AGAP1: variants seen among roughly 807,000 people sequenced by gnomAD.
AGAP1 encodes the protein arf-GAP with GTPase, ANK repeat and PH domain-containing protein 1.
A neutral mutation model predicts 105.3 loss-of-function variants in AGAP1; 29 were observed. That is an observed-to-expected ratio of 0.28 (90% CI 0.21 to 0.38). AGAP1 has a LOEUF of 0.38. Among genes scored for constraint, AGAP1 ranks in the 10% least tolerant of loss-of-function variants. The probability of loss-of-function intolerance (pLI) is 1.00; values close to 1 mark genes in which losing one functional copy is unlikely to be tolerated. For missense variants in AGAP1, 998 were observed against 1,165.1 expected (o/e 0.86, Z 2.09); for synonymous variants, 509 against 485.9 (o/e 1.05, Z -0.63).
At chr2:236,031,673 C>A (rs765880) in intron 13 of AGAP1, among the ~76,000 whole-genome samples, 97,901 of 151,994 alleles carry the variant, frequency 0.64, 33,091 homozygotes, top group African/African-American at 0.85. Context: ...AGCCCCATCT[C>A]TGGATAGTTG....
intron 1 of AGAP1, among the ~76,000 whole-genome samples, chr2:235,674,478 G>A (rs1948615647): frequency 6.6e-6 from 1 of 152,218 alleles, no homozygotes; most frequent in African/African-American, 2.4e-5. Flanking sequence ...CACTGGCTAT[G>A]CCCATCCAGA....
Position 235,888,778 on chromosome 2 carries a change from C to G in AGAP1, c.1155+5329C>G, listed in dbSNP as rs372967237. ...TCGGGTAGAGCGGCCACCCACTGCC[C>G]CAGCCTTCCCTGTGGCCACTTCAGC... On this transcript the variant is annotated intron_variant, in intron 10 of 17. Coordinates refer to ENST00000304032, the MANE Select transcript of AGAP1 (RefSeq NM_001037131.3). This position sits in a 1 kb window ranked among gnomAD's most constrained non-coding sequence, Gnocchi z 4.8. Among the ~76,000 whole-genome samples the G allele has an allele frequency of 1.1e-4, 17 of 152,244 alleles. No homozygotes were observed. The East Asian group carries it at 3.1e-3, about 28-fold the overall frequency.
chr2:235,642,809 A>G lies in AGAP1; in HGVS notation c.164-66370A>G, dbSNP rs1238584456. On this transcript the variant is annotated intron_variant, in intron 1 of 17. Coordinates refer to ENST00000304032, the MANE Select transcript of AGAP1 (RefSeq NM_001037131.3). This position sits in a 1 kb window ranked among gnomAD's most constrained non-coding sequence, Gnocchi z 4.1. ...GAAGTAGTTATCTCATTGTCTTGGA[A>G]TAAAATTATTTTGCTTTGCAAAGAT... Among the ~76,000 whole-genome samples the G allele has an allele frequency of 1.3e-5, 2 of 152,226 alleles. No individual in the cohort carries two copies. The highest frequency in any genetic ancestry group is 4.8e-5 in the African/African-American group (2 of 41,462).
intron 16 of AGAP1, among the ~76,000 whole-genome samples, chr2:236,094,130 G>A (rs554515016): frequency 2.0e-5 from 3 of 152,108 alleles, no homozygotes; most frequent in African/African-American, 4.8e-5. Flanking sequence ...ATACAGTGAC[G>A]AACAACTTCA....
intron 5 of AGAP1, among the ~76,000 whole-genome samples, chr2:235,749,177 C>T (rs944350165): frequency 6.6e-6 from 1 of 151,332 alleles, no homozygotes; most frequent in Admixed American, 6.6e-5. Context: ...CACTGTACTC[C>T]AGCCTGGGCG....
intron 13 of AGAP1, among the ~76,000 whole-genome samples, chr2:236,022,054 CAAAAAAAAA>C (rs55810820): frequency 2.2e-5 from 2 of 89,304 alleles, no homozygotes; most frequent in African/African-American, 4.2e-5. Context: ...GACCCTGTCT[CAAAAAAAAA>C]AAAAAAAAAA....
intron 1 of AGAP1, among the ~76,000 whole-genome samples, chr2:235,512,717 G>A (rs918222968): frequency 1.3e-5 from 2 of 152,202 alleles, no homozygotes; most frequent in Non-Finnish European, 2.9e-5. Context: ...GCTGGAGGTA[G>A]GTGATAAGCT....
Position 236,080,155 on chromosome 2 carries a change from C to T in AGAP1, c.2114+30874C>T, listed in dbSNP as rs184157496. Among the ~76,000 whole-genome samples, 53 of 152,328 alleles carry T rather than the reference C, an allele frequency of 3.5e-4. No individual in the cohort carries two copies. The highest frequency in any genetic ancestry group is 1.3e-3 in the African/African-American group (52 of 41,566). Reference sequence around the variant, plus strand: ...CTACAGTGGGCACAAAGCACATTTGCCCTGTGCTCTGGAGGGAGATGCTAT... The same window carrying T: ...CTACAGTGGGCACAAAGCACATTTGTCCTGTGCTCTGGAGGGAGATGCTAT... On this transcript the variant is annotated intron_variant, in intron 16 of 17. Coordinates refer to ENST00000304032, the MANE Select transcript of AGAP1 (RefSeq NM_001037131.3). The surrounding 1 kb of genome is among the most constrained non-coding windows in gnomAD (Gnocchi z 4.2).
chr2:235,825,622 A>C (rs901491766), intron 9 of AGAP1, among the ~76,000 whole-genome samples: 1 of 152,360 alleles, frequency 6.6e-6, no homozygotes, highest in Non-Finnish European at 1.5e-5. Context: ...TGTATCCAGC[A>C]AAGTCTTCAT....
At chr2:236,028,819 C>T (rs2057134067) in intron 13 of AGAP1, among the ~76,000 whole-genome samples, 1 of 152,174 alleles carries the variant, frequency 6.6e-6, no homozygotes. Flanking sequence ...ACATCTCACC[C>T]TTAGGATTAG....
rs1051440241 is a variant in AGAP1 at position 235,769,766 on chromosome 2, A to G, written c.673+19278A>G. 2.0e-5 allele frequency among the ~76,000 whole-genome samples: 3 copies of G among 152,014 alleles called. No homozygotes were observed. The highest frequency in any genetic ancestry group is 2.1e-4 in the South Asian group (1 of 4,818). On this transcript the variant is annotated intron_variant, in intron 6 of 17. Coordinates refer to ENST00000304032, the MANE Select transcript of AGAP1 (RefSeq NM_001037131.3). This position sits in a 1 kb window ranked among gnomAD's most constrained non-coding sequence, Gnocchi z 4.4. ...GCCGCCTCTCACCTGGTCCTGGATC[A>G]TGGGGGAGGCACAGGCGACGCTCCG...
In AGAP1 at chr2:235,979,904, C is replaced by T. The variant is rs1387449503; in HGVS notation, c.1645+11281C>T. On this transcript the variant is annotated intron_variant, in intron 13 of 17. Transcript: ENST00000304032. The surrounding 1 kb of genome is among the most constrained non-coding windows in gnomAD (Gnocchi z 4.5). ...CTTAAAAGTGCCTTTCTAGTTGCCA[C>T]ACAGTGATGTGATCATTATCTGCCA... Among the ~76,000 whole-genome samples, 1 of 152,138 alleles carries T rather than the reference C, an allele frequency of 6.6e-6. No individual in the cohort carries two copies. The highest frequency in any genetic ancestry group is 1.5e-5 in the Non-Finnish European group (1 of 68,024).
At position 235,553,293 on chromosome 2, in the gene AGAP1, G is replaced by A. The variant is rs900157945; in HGVS notation, c.163+58444G>A. Among the ~76,000 whole-genome samples the A allele has an allele frequency of 5.3e-5, 8 of 152,004 alleles. No homozygotes were observed. The highest frequency in any genetic ancestry group is 1.2e-4 in the Non-Finnish European group (8 of 67,982). On this transcript the variant is annotated intron_variant, in intron 1 of 17. Transcript: ENST00000304032. This position sits in a 1 kb window ranked among gnomAD's most constrained non-coding sequence, Gnocchi z 4.5. Reference sequence around the variant, plus strand: ...GGGTTGAGATCAAGAGATGACCAACGACTGGACATCTGGGAGGCAGTGGGG... The same window carrying A: ...GGGTTGAGATCAAGAGATGACCAACAACTGGACATCTGGGAGGCAGTGGGG...
At position 236,009,836 on chromosome 2, in the gene AGAP1, G is replaced by A. The variant is rs2056450123; in HGVS notation, c.1646-26725G>A. 6.6e-6 allele frequency among the ~76,000 whole-genome samples: 1 copy of A among 152,176 alleles called. No homozygotes were observed. The highest frequency in any genetic ancestry group is 2.1e-4 in the South Asian group (1 of 4,836). On this transcript the variant is annotated intron_variant, in intron 13 of 17. Transcript: ENST00000304032. This position sits in a 1 kb window ranked among gnomAD's most constrained non-coding sequence, Gnocchi z 4.2. ...GACGCGCCTTGGACACACAGCCTCG[G>A]CGCTGCATCATTTTTTAATCAGCTA...
chr2:235,637,602 A>G (rs988937186), intron 1 of AGAP1, among the ~76,000 whole-genome samples: 1 of 152,076 alleles, frequency 6.6e-6, no homozygotes, highest in Non-Finnish European at 1.5e-5. Context: ...TTTTTAGGAC[A>G]AAAGTGAAGG....
intron 1 of AGAP1, among the ~76,000 whole-genome samples, chr2:235,521,461 C>T (rs1233934752): frequency 6.6e-6 from 1 of 152,188 alleles, no homozygotes; most frequent in Non-Finnish European, 1.5e-5. Flanking sequence ...CTTCTCTTCA[C>T]CTATAACTAT....
intron 8 of AGAP1, among the ~76,000 whole-genome samples, chr2:235,802,645 TGTG>T (rs1261821725): frequency 5.4e-5 from 8 of 147,616 alleles, no homozygotes; most frequent in Admixed American, 1.3e-4. Context: ...TGATGATGGT[TGTG>T]GTGATGATGA....
rs1433210057 is a variant in AGAP1 at position 235,970,360 on chromosome 2, C to T, written c.1645+1737C>T. 3.3e-5 allele frequency among the ~76,000 whole-genome samples: 5 copies of T among 152,132 alleles called. No individual in the cohort carries two copies. Among genetic ancestry groups the T allele is most frequent in the African/African-American group, 1.2e-4 (5 of 41,426 alleles). On this transcript the variant is annotated intron_variant, in intron 13 of 17. Transcript: ENST00000304032. This position sits in a 1 kb window ranked among gnomAD's most constrained non-coding sequence, Gnocchi z 5.4. Reference sequence around the variant, plus strand: ...CACTGAAAACAGTATCAGCCGCAGGCGCTCTGTGTTGGTAAGACTCCTTCA... The same window carrying T: ...CACTGAAAACAGTATCAGCCGCAGGTGCTCTGTGTTGGTAAGACTCCTTCA...
At position 235,888,260 on chromosome 2, in the gene AGAP1, C is replaced by T. The variant is rs1575701326; in HGVS notation, c.1155+4811C>T. 2.6e-5 allele frequency among the ~76,000 whole-genome samples: 4 copies of T among 151,962 alleles called. No homozygotes were observed. The highest frequency in any genetic ancestry group is 2.6e-4 in the Admixed American group (4 of 15,262). The stretch of plus-strand genomic sequence containing the variant: ...GATTATTTGTTCTTTAGGATCAAAC[C>T]GAGAAGGTGGAATCGAGGGTCTTTA... On this transcript the variant is annotated intron_variant, in intron 10 of 17. Coordinates refer to ENST00000304032, the MANE Select transcript of AGAP1 (RefSeq NM_001037131.3). The surrounding 1 kb of genome is among the most constrained non-coding windows in gnomAD (Gnocchi z 4.8).
Sources: gnomAD v4.1 joint callset for allele counts (sites outside exome capture counted in the v4.1 genomes callset) on GRCh38, gnomAD v4.1.1 for gene constraint, Gnocchi (gnomAD v3.1) non-coding constraint, MANE v1.5 for transcripts, NCBI Gene and HGNC (gene_info 2026-07-23, HGNC 2026-07-21) for gene names.